NWD2: variants seen among roughly 807,000 people sequenced by gnomAD.
NWD2 encodes NACHT and WD repeat domain-containing protein 2.
Under a neutral mutation model 132.7 loss-of-function variants are expected in NWD2, and 37 were observed. The observed-to-expected ratio is 0.28, with a 90% CI of 0.21 to 0.37. The LOEUF (loss-of-function observed/expected upper bound fraction) is 0.37. Among genes scored for constraint, NWD2 ranks in the 10% least tolerant of loss-of-function variants. The pLI, the probability that NWD2 is intolerant of heterozygous loss-of-function variation, is 1.00. For missense variants in NWD2, 1,592 were observed against 2,122.4 expected (o/e 0.75, Z 4.91); for synonymous variants, 705 against 803.0 (o/e 0.88, Z 2.06).
At chr4:37,406,160 A>G (rs1720998167) in intron 3 of NWD2, among the ~76,000 whole-genome samples, 1 of 152,238 alleles carries the variant, frequency 6.6e-6, no homozygotes, top group Non-Finnish European at 1.5e-5. Flanking sequence ...ACTGCAAAAC[A>G]AAACGGTAGA....
intron 1 of NWD2, among the ~76,000 whole-genome samples, chr4:37,323,969 T>C (rs527263781): frequency 6.6e-6 from 1 of 151,772 alleles, no homozygotes; most frequent in East Asian, 1.9e-4. Flanking sequence ...TGTTCTCACT[T>C]GAAAATGGGA....
intron 1 of NWD2, among the ~76,000 whole-genome samples, chr4:37,271,447 T>C (rs1042552067): frequency 6.6e-6 from 1 of 151,858 alleles, no homozygotes; most frequent in African/African-American, 2.4e-5. Flanking sequence ...TTGCTAAGTA[T>C]TTTAAATTTT....
Position 37,378,268 on chromosome 4 carries a change from T to C in NWD2, c.357+21786T>C, listed in dbSNP as rs943203566. ...GAAAACATTATTCTGCTCTCCTATA[T>C]TGATGTCTGAATTGAAATAAATATG... On this transcript the variant is annotated intron_variant, in intron 3 of 6. Coordinates refer to ENST00000309447, the MANE Select transcript of NWD2 (RefSeq NM_001144990.2). Among the ~76,000 whole-genome samples, 4 of 57,810 alleles carry C rather than the reference T, an allele frequency of 6.9e-5. No homozygotes were observed. In the Admixed American group the frequency reaches 9.7e-4, roughly 14 times the overall value. 37.9% of individuals were successfully genotyped at this position (57,810 alleles called of 152,430 possible). A position where few individuals can be genotyped will look rare whatever the true frequency, so the allele number is the denominator to read the frequency against.
intron 3 of NWD2, among the ~76,000 whole-genome samples, chr4:37,415,565 G>C (rs572774292): frequency 6.6e-6 from 1 of 151,998 alleles, no homozygotes; most frequent in Non-Finnish European, 1.5e-5. Context: ...TTAGCCGGGC[G>C]TGGTGGCAGG....
chr4:37,305,483 C>A (rs931588793), intron 1 of NWD2, among the ~76,000 whole-genome samples: 2 of 152,156 alleles, frequency 1.3e-5, no homozygotes, highest in Non-Finnish European at 2.9e-5. Context: ...ATATAACTTC[C>A]AGTTTCAGAA....
chr4:37,379,391 G>C (rs994607379), intron 3 of NWD2, among the ~76,000 whole-genome samples: 1 of 152,130 alleles, frequency 6.6e-6, no homozygotes, highest in Non-Finnish European at 1.5e-5. Context: ...GACACAGAGA[G>C]GTTGAGTAAC....
intron 3 of NWD2, among the ~76,000 whole-genome samples, chr4:37,403,234 G>A (rs1288081664): frequency 1.3e-5 from 2 of 152,152 alleles, no homozygotes; most frequent in Non-Finnish European, 2.9e-5. Flanking sequence ...CTTCATTCTG[G>A]TAGTTTATAG....
At position 37,356,490 on chromosome 4, in the gene NWD2, TA is replaced by T; in HGVS notation, c.357+15del. 2.8e-6 allele frequency: 4 copies of T among 1,447,048 alleles called. No individual in the cohort carries two copies. Among genetic ancestry groups the T allele is most frequent in the Non-Finnish European group, 2.9e-6 (3 of 1,052,220 alleles). The allele number at this position is 1,447,048 out of a possible 1,614,324, so 89.6% of individuals were successfully genotyped here. A position where few individuals can be genotyped will look rare whatever the true frequency, so the allele number is the denominator to read the frequency against. ...GCAGGTCCATGTTTTGTTGTGGGTA[TA>T]AAAAAACTAATGCTTTATATTAACT... On this transcript the variant is annotated intron_variant, in intron 3 of 6. Coordinates refer to ENST00000309447, the MANE Select transcript of NWD2 (RefSeq NM_001144990.2).
intron 2 of NWD2, among the ~76,000 whole-genome samples, chr4:37,346,486 G>C (rs778721112): frequency 6.6e-6 from 1 of 152,032 alleles, no homozygotes; most frequent in East Asian, 1.9e-4. Flanking sequence ...GATTGTTTTG[G>C]TCATCTTGGG....
intron 3 of NWD2, among the ~76,000 whole-genome samples, chr4:37,397,276 G>T (rs1001026806): frequency 1.3e-5 from 2 of 152,146 alleles, no homozygotes; most frequent in African/African-American, 4.8e-5. Context: ...CCTTGTGAGG[G>T]TTAGTTTTAT....
chr4:37,446,994 C>A lies in NWD2; in HGVS notation c.5006C>A (p.Ala1669Glu). 1 of 1,551,622 alleles carries A rather than the reference C, an allele frequency of 6.4e-7. No homozygotes were observed. Among genetic ancestry groups the A allele is most frequent in the Non-Finnish European group, 8.7e-7 (1 of 1,146,974 alleles). The change falls in exon 7 of 7, where the codon GCA becomes GAA. Residue 1669 changes from alanine (A) to glutamate (E), a missense_variant. Coordinates refer to ENST00000309447, the MANE Select transcript of NWD2 (RefSeq NM_001144990.2). The surrounding 1 kb of genome is among the most constrained non-coding windows in gnomAD (Gnocchi z 6.7). ...AATAGCAGACAAATTTTCAACAATG[C>A]AACACACACCTCCAGGCCAAAGTGT... is the stretch of plus-strand genomic sequence containing the variant. ...TSNSRQIFNN[A>E]THTSRPKCNS... is the part of the protein sequence containing the mutation.
At chr4:37,302,758 C>T (rs1718634577) in intron 1 of NWD2, among the ~76,000 whole-genome samples, 1 of 152,092 alleles carries the variant, frequency 6.6e-6, no homozygotes, top group South Asian at 2.1e-4. Context: ...ATTTATATAT[C>T]TTCTTTTGAG....
In NWD2 at chr4:37,388,841, A is replaced by C. The variant is rs540026456; in HGVS notation, c.357+32359A>C. Among the ~76,000 whole-genome samples, 5 of 150,692 alleles carry C rather than the reference A, an allele frequency of 3.3e-5. No homozygotes were observed. In the East Asian group the frequency reaches 9.7e-4, roughly 29 times the overall value. Reference sequence around the variant, plus strand: ...ACAGTTGTTCAAAAACGTTTCCATTACCCCAGACACTCTGTACATGTTAAG... The same window carrying C: ...ACAGTTGTTCAAAAACGTTTCCATTCCCCCAGACACTCTGTACATGTTAAG... On this transcript the variant is annotated intron_variant, in intron 3 of 6. Transcript: ENST00000309447.
intron 2 of NWD2, among the ~76,000 whole-genome samples, chr4:37,353,655 T>C (rs887174147): frequency 3.3e-5 from 5 of 152,042 alleles, no homozygotes; most frequent in African/African-American, 1.2e-4. Context: ...TACTTGTGTA[T>C]GCTTCACGAA....
chr4:37,308,339 A>G (rs905112056), intron 1 of NWD2, among the ~76,000 whole-genome samples: 5 of 152,086 alleles, frequency 3.3e-5, no homozygotes, highest in African/African-American at 1.2e-4. Context: ...TGTAGTGTCC[A>G]TGTGTTTCTT....
At chr4:37,309,289 G>A (rs751911904) in intron 1 of NWD2, among the ~76,000 whole-genome samples, 6 of 152,156 alleles carry the variant, frequency 3.9e-5, no homozygotes, top group East Asian at 3.9e-4. Flanking sequence ...TCATTAGGCC[G>A]TCAGCTCTCA....
At chr4:37,379,683 T>A (rs1187684120) in intron 3 of NWD2, among the ~76,000 whole-genome samples, 6 of 152,192 alleles carry the variant, frequency 3.9e-5, no homozygotes, top group Non-Finnish European at 7.3e-5. Context: ...ACTGCAAGCC[T>A]GTGGCTCTCA....
At chr4:37,303,904 C>T (rs1411899883) in intron 1 of NWD2, among the ~76,000 whole-genome samples, 1 of 152,172 alleles carries the variant, frequency 6.6e-6, no homozygotes, top group Non-Finnish European at 1.5e-5. Context: ...TCATTTCTTA[C>T]TTTCCAATGT....
At chr4:37,394,274 G>T (rs1230662359) in intron 3 of NWD2, among the ~76,000 whole-genome samples, 1 of 152,102 alleles carries the variant, frequency 6.6e-6, no homozygotes, top group African/African-American at 2.4e-5. Flanking sequence ...CATCTTTGTT[G>T]TTTTCACGTG....
Sources: allele counts gnomAD v4.1 joint callset (sites outside exome capture counted in the v4.1 genomes callset), GRCh38; gene constraint gnomAD v4.1.1; non-coding constraint Gnocchi (gnomAD v3.1); transcripts MANE v1.5; gene names NCBI Gene and HGNC (gene_info 2026-07-23, HGNC 2026-07-21).